The following BCAS3 variants were observed in gnomAD, a reference collection of about 807,000 sequenced individuals.
BCAS3 encodes the protein BCAS4/BCAS3 fusion.
BCAS3 carries 53 observed loss-of-function variants against 116.1 expected under a neutral mutation model. That is an observed-to-expected ratio of 0.46 (90% CI 0.37 to 0.57). The LOEUF (loss-of-function observed/expected upper bound fraction) is 0.57. Among genes scored for constraint, BCAS3 ranks in the 20% least tolerant of loss-of-function variants. The pLI is 0.00. For synonymous variants in BCAS3, 391 were observed against 408.2 expected (o/e 0.96, Z 0.51); for missense variants, 917 against 1,165.4 (o/e 0.79, Z 3.10).
intron 12 of BCAS3, among the ~76,000 whole-genome samples, chr17:60,915,308 G>T (rs751413491): frequency 3.3e-5 from 5 of 152,102 alleles, no homozygotes; most frequent in Non-Finnish European, 5.9e-5. Flanking sequence ...TGTTAACTAG[G>T]CTACAGGTCT....
chr17:61,324,559 C>T lies in BCAS3; in HGVS notation c.2426-43768C>T, dbSNP rs997514655. Among the ~76,000 whole-genome samples, 4 of 152,162 alleles carry T rather than the reference C, an allele frequency of 2.6e-5. No homozygotes were observed. Among genetic ancestry groups the T allele is most frequent in the Non-Finnish European group, 5.9e-5 (4 of 68,034 alleles). ...GTGTGTTAAAAAATCAAACTGAAATCGCCTCCAAAAGGAAGGCAGCACTGA... is the reference window on the plus strand; with the variant it reads ...GTGTGTTAAAAAATCAAACTGAAATTGCCTCCAAAAGGAAGGCAGCACTGA... On this transcript the variant is annotated intron_variant, in intron 22 of 23. Transcript: ENST00000407086. The surrounding 1 kb of genome is among the most constrained non-coding windows in gnomAD (Gnocchi z 4.6).
intron 22 of BCAS3, among the ~76,000 whole-genome samples, chr17:61,100,578 T>C (rs1205539510): frequency 6.6e-6 from 1 of 152,234 alleles, no homozygotes; most frequent in Non-Finnish European, 1.5e-5. Flanking sequence ...GGTATTGTTT[T>C]TCATTCTAGA....
At chr17:60,849,356 C>T (rs79784250) in intron 7 of BCAS3, among the ~76,000 whole-genome samples, 108 of 150,426 alleles carry the variant, frequency 7.2e-4, no homozygotes, top group African/African-American at 2.5e-3. Flanking sequence ...ATGTACTGTA[C>T]TTCACAAATT....
rs893437432 is a variant in BCAS3 at position 61,008,876 on chromosome 17, TGAG to T, written c.1487-6871_1487-6869del. ...GGGCTGTTTCCGTAGAATTGTCTTC[TGAG>T]GAGTGCCAGAGAGTCACATTGACCT... On this transcript the variant is annotated intron_variant, in intron 15 of 23. Coordinates refer to ENST00000407086, the MANE Select transcript of BCAS3 (RefSeq NM_017679.5). The surrounding 1 kb of genome is among the most constrained non-coding windows in gnomAD (Gnocchi z 4.6). 5.9e-5 allele frequency among the ~76,000 whole-genome samples: 9 copies of T among 152,020 alleles called. No homozygotes were observed. Among genetic ancestry groups the T allele is most frequent in the African/African-American group, 2.2e-4 (9 of 41,406 alleles).
chr17:60,682,376 C>T (rs1245539291), intron 2 of BCAS3, among the ~76,000 whole-genome samples: 1 of 152,042 alleles, frequency 6.6e-6, no homozygotes, highest in Non-Finnish European at 1.5e-5. Context: ...GGAGAGGTAG[C>T]CTAATAATTT....
intron 5 of BCAS3, among the ~76,000 whole-genome samples, chr17:60,719,528 T>C (rs79563128): frequency 0.031 from 4,741 of 152,312 alleles, 237 homozygotes; most frequent in African/African-American, 0.1. Context: ...CAAATAACAT[T>C]TCTGTGATTA....
chr17:60,860,831 C>T (rs73320606), intron 7 of BCAS3, among the ~76,000 whole-genome samples: 2,316 of 152,176 alleles, frequency 0.015, 63 homozygotes, highest in African/African-American at 0.053. Context: ...GGTTCTCCAA[C>T]CTGTTCCATT....
chr17:61,237,652 G>A (rs933974128), intron 22 of BCAS3, among the ~76,000 whole-genome samples: 1 of 152,196 alleles, frequency 6.6e-6, no homozygotes, highest in African/African-American at 2.4e-5. Flanking sequence ...TCTGGATACA[G>A]TACGTGGGAC....
At chr17:60,812,083 T>C (rs916450502) in intron 7 of BCAS3, among the ~76,000 whole-genome samples, 1 of 152,174 alleles carries the variant, frequency 6.6e-6, no homozygotes, top group East Asian at 1.9e-4. Flanking sequence ...TAAGTTGTTT[T>C]CATAAGTTGT....
chr17:61,250,223 T>C (rs1007075673), intron 22 of BCAS3, among the ~76,000 whole-genome samples: 1 of 152,072 alleles, frequency 6.6e-6, no homozygotes, highest in Non-Finnish European at 1.5e-5. Flanking sequence ...CTCAGCAATG[T>C]GCTAAATATG....
At chr17:60,906,040 T>G (rs1244883146) in intron 11 of BCAS3, among the ~76,000 whole-genome samples, 1 of 152,216 alleles carries the variant, frequency 6.6e-6, no homozygotes, top group Non-Finnish European at 1.5e-5. Context: ...ATATCCCTTT[T>G]CTATTGGCAC....
intron 22 of BCAS3, among the ~76,000 whole-genome samples, chr17:61,172,095 A>C (rs2078870194): frequency 6.6e-6 from 1 of 152,264 alleles, no homozygotes; most frequent in Non-Finnish European, 1.5e-5. Context: ...ACAGAGCTTC[A>C]AAACACATGA....
In BCAS3 at chr17:61,023,704, A is replaced by G. The variant is rs2066027711; in HGVS notation, c.1637+7803A>G. The stretch of plus-strand genomic sequence containing the variant: ...ATGTTATAAAACATAATTCTTTCCT[A>G]TCTTCTGGGAGTCTCCTGAAGAAAC... On this transcript the variant is annotated intron_variant, in intron 16 of 23. Coordinates refer to ENST00000407086, the MANE Select transcript of BCAS3 (RefSeq NM_017679.5). This position sits in a 1 kb window ranked among gnomAD's most constrained non-coding sequence, Gnocchi z 4.8. 1.3e-5 allele frequency among the ~76,000 whole-genome samples: 2 copies of G among 152,120 alleles called. 1 individual carries two copies. Among genetic ancestry groups the G allele is most frequent in the South Asian group, 4.1e-4 (2 of 4,820 alleles).
At chr17:61,000,508 A>G (rs1038850043) in intron 15 of BCAS3, among the ~76,000 whole-genome samples, 15 of 152,148 alleles carry the variant, frequency 9.9e-5, no homozygotes, top group African/African-American at 3.1e-4. Context: ...TAGAGTAACT[A>G]TGAGAATCAG....
At position 61,378,391 on chromosome 17, in the gene BCAS3, T is replaced by C. The variant is rs1273888935; in HGVS notation, c.2593+9897T>C. 1 of 152,254 alleles carries C rather than the reference T, an allele frequency of 6.6e-6. No individual in the cohort carries two copies. The highest frequency in any genetic ancestry group is 1.9e-4 in the East Asian group (1 of 5,198). 9.4% of individuals were successfully genotyped at this position (152,254 alleles called of 1,614,324 possible). ...CCAAATGTGTGCAACTCTCTCTGTC[T>C]CTGAATTTCTGCACCACCGACTTGC... is the stretch of plus-strand genomic sequence containing the variant. On this transcript the variant is annotated intron_variant, in intron 23 of 23. Transcript: ENST00000407086. The surrounding 1 kb of genome is among the most constrained non-coding windows in gnomAD (Gnocchi z 5.8).
chr17:60,842,704 C>T (rs907126335), intron 7 of BCAS3, among the ~76,000 whole-genome samples: 2 of 152,060 alleles, frequency 1.3e-5, no homozygotes, highest in Non-Finnish European at 2.9e-5. Flanking sequence ...TCTTTTCTTT[C>T]TCTACTCTAA....
At chr17:60,857,532 A>G (rs1199794205) in intron 7 of BCAS3, among the ~76,000 whole-genome samples, 2 of 152,192 alleles carry the variant, frequency 1.3e-5, no homozygotes, top group African/African-American at 4.8e-5. Flanking sequence ...ATGATAGAAA[A>G]TAAAAGCTTG....
At chr17:60,723,882 C>T (rs2039526328) in intron 5 of BCAS3, among the ~76,000 whole-genome samples, 1 of 150,776 alleles carries the variant, frequency 6.6e-6, no homozygotes, top group African/African-American at 2.4e-5. Flanking sequence ...CCATGCCTGG[C>T]CAATTTTTTT....
At chr17:60,906,997 A>G (rs1341907167) in intron 11 of BCAS3, among the ~76,000 whole-genome samples, 1 of 152,130 alleles carries the variant, frequency 6.6e-6, no homozygotes, top group Non-Finnish European at 1.5e-5. Context: ...ACTTTGTTAT[A>G]TAGAAGGATG....
Sources: allele counts gnomAD v4.1 joint callset (sites outside exome capture counted in the v4.1 genomes callset), GRCh38; gene constraint gnomAD v4.1.1; non-coding constraint Gnocchi (gnomAD v3.1); transcripts MANE v1.5; gene names NCBI Gene and HGNC (gene_info 2026-07-23, HGNC 2026-07-21).